GMDS: variants seen among roughly 807,000 people sequenced by gnomAD.
The protein encoded by GMDS is GDP-mannose 4,6 dehydratase.
A neutral mutation model predicts 49.9 loss-of-function variants in GMDS; 20 were observed. That is an observed-to-expected ratio of 0.40 (90% CI 0.28 to 0.58). GMDS has a LOEUF of 0.58. Ranked by LOEUF, GMDS falls within the 20% of genes least tolerant of loss-of-function variation. The probability of loss-of-function intolerance (pLI) is 0.42; values close to 1 mark genes in which losing one functional copy is unlikely to be tolerated. For synonymous variants in GMDS, 177 were observed against 178.6 expected (o/e 0.99, Z 0.07); for missense variants, 362 against 481.4 (o/e 0.75, Z 2.32).
intron 6 of GMDS, among the ~76,000 whole-genome samples, chr6:1,949,346 C>T (rs910816516): frequency 4.3e-5 from 6 of 140,918 alleles, no homozygotes; most frequent in African/African-American, 1.8e-4. Context: ...GATGAGTGGC[C>T]AAATTCTCTG....
At chr6:2,052,916 C>G (rs866151319) in intron 4 of GMDS, among the ~76,000 whole-genome samples, 1 of 152,194 alleles carries the variant, frequency 6.6e-6, no homozygotes, top group African/African-American at 2.4e-5. Flanking sequence ...CTGACCTAGA[C>G]CTGTGTCCAA....
intron 9 of GMDS, among the ~76,000 whole-genome samples, chr6:1,724,890 C>A (rs1766519554): frequency 6.6e-6 from 1 of 152,222 alleles, no homozygotes; most frequent in African/African-American, 2.4e-5. Context: ...TGTGCCCGGA[C>A]AATGCACGAC....
chr6:1,828,894 C>T (rs1008685167), intron 7 of GMDS, among the ~76,000 whole-genome samples: 1 of 152,204 alleles, frequency 6.6e-6, no homozygotes, highest in Non-Finnish European at 1.5e-5. Flanking sequence ...TAATGTTTGA[C>T]TCACCAAAAA....
chr6:1,779,977 G>A (rs1049737811), intron 7 of GMDS, among the ~76,000 whole-genome samples: 7 of 152,212 alleles, frequency 4.6e-5, no homozygotes, highest in African/African-American at 1.7e-4. Flanking sequence ...AAGGCACAGT[G>A]TGGTCCAGTT....
At chr6:2,162,398 C>T in intron 1 of GMDS, among the ~76,000 whole-genome samples, 1 of 152,068 alleles carries the variant, frequency 6.6e-6, no homozygotes, top group East Asian at 1.9e-4. Flanking sequence ...AAGACTGTGG[C>T]TTTCTGTGGC....
chr6:1,929,665 G>C (rs113549298), intron 7 of GMDS, among the ~76,000 whole-genome samples: 1 of 144,746 alleles, frequency 6.9e-6, no homozygotes, highest in South Asian at 2.2e-4. Context: ...GCAGAAAGCA[G>C]AGTTCCATAA....
chr6:1,891,919 A>G (rs1759888362), intron 7 of GMDS, among the ~76,000 whole-genome samples: 1 of 152,232 alleles, frequency 6.6e-6, no homozygotes, highest in Non-Finnish European at 1.5e-5. Context: ...AGGAGGCCAC[A>G]GAACTCCACA....
chr6:1,888,136 T>TTA (rs1554130181), intron 7 of GMDS, among the ~76,000 whole-genome samples: 4,350 of 96,042 alleles, frequency 0.045, 93 homozygotes, highest in Middle Eastern at 0.14. Flanking sequence ...TTATTATTAT[T>TTA]TTTTTTTTTT....
intron 7 of GMDS, among the ~76,000 whole-genome samples, chr6:1,897,313 T>C (rs537256605): frequency 1.5e-3 from 222 of 152,294 alleles, no homozygotes; most frequent in African/African-American, 5.0e-3. Context: ...CTAATGGTCA[T>C]TTTAAATTAA....
intron 4 of GMDS, among the ~76,000 whole-genome samples, chr6:2,039,736 T>C (rs1433290987): frequency 3.3e-5 from 5 of 152,168 alleles, no homozygotes; most frequent in Non-Finnish European, 7.3e-5. Flanking sequence ...CAAGGAGCTG[T>C]CGTCTCCTAT....
At chr6:1,968,504 C>A (rs1764389440) in intron 4 of GMDS, among the ~76,000 whole-genome samples, 1 of 152,190 alleles carries the variant, frequency 6.6e-6, no homozygotes. Context: ...GAACTCTCTG[C>A]AAGGCCCACT....
intron 4 of GMDS, among the ~76,000 whole-genome samples, chr6:2,039,691 TCTC>T (rs1411704483): frequency 6.6e-6 from 1 of 152,040 alleles, no homozygotes; most frequent in African/African-American, 2.4e-5. Flanking sequence ...CTCCACGTCT[TCTC>T]CTGCTGGAAG....
At chr6:1,695,639 A>C (rs1223017445) in intron 9 of GMDS, among the ~76,000 whole-genome samples, 1 of 152,170 alleles carries the variant, frequency 6.6e-6, no homozygotes, top group African/African-American at 2.4e-5. Flanking sequence ...TGAAGTCTGG[A>C]AGTAGCTCTT....
Position 1,800,923 on chromosome 6 carries a change from G to C in GMDS, c.772-58337C>G, listed in dbSNP as rs114480727. On this transcript the variant is annotated intron_variant, in intron 7 of 10. Transcript: ENST00000380815. ...TGTCAAGGTGCTGAGTAAACTTCTG[G>C]GAAGAACTGCTGGAGGAGCGAACTC... 8.1e-3 allele frequency among the ~76,000 whole-genome samples: 1,227 copies of C among 152,266 alleles called. 12 individuals carry two copies. Among genetic ancestry groups the C allele is most frequent in the African/African-American group, 0.028 (1,181 of 41,562 alleles).
At chr6:1,970,218 C>A (rs1764520612) in intron 4 of GMDS, among the ~76,000 whole-genome samples, 1 of 152,230 alleles carries the variant, frequency 6.6e-6, no homozygotes, top group Non-Finnish European at 1.5e-5. Flanking sequence ...AGAGGAGGCT[C>A]ATGATACCAG....
chr6:2,100,980 T>TA (rs947447720), intron 4 of GMDS, among the ~76,000 whole-genome samples: 3 of 152,034 alleles, frequency 2.0e-5, no homozygotes, highest in African/African-American at 7.2e-5. Context: ...TGTTAACTTC[T>TA]ATGTTATTAT....
chr6:1,983,824 G>A (rs1219866257), intron 4 of GMDS, among the ~76,000 whole-genome samples: 2 of 152,172 alleles, frequency 1.3e-5, no homozygotes, highest in Non-Finnish European at 2.9e-5. Flanking sequence ...ATTCCTCAAA[G>A]ACCCAGAGGC....
chr6:1,687,664 CAA>C (rs967640404), intron 9 of GMDS, among the ~76,000 whole-genome samples: 3 of 152,058 alleles, frequency 2.0e-5, no homozygotes, highest in Admixed American at 1.3e-4. Context: ...AGGAGAGACA[CAA>C]AGAGGCAGGT....
At chr6:1,687,356 C>T (rs1765012065) in intron 9 of GMDS, among the ~76,000 whole-genome samples, 1 of 152,190 alleles carries the variant, frequency 6.6e-6, no homozygotes, top group African/African-American at 2.4e-5. Context: ...CTCCAACCTC[C>T]AGGGGAGGAG....
Sources: allele counts gnomAD v4.1 joint callset (sites outside exome capture counted in the v4.1 genomes callset), GRCh38; gene constraint gnomAD v4.1.1; transcripts MANE v1.5; gene names NCBI Gene and HGNC (gene_info 2026-07-23, HGNC 2026-07-21).